The following FER variants were observed in gnomAD, a reference collection of about 807,000 sequenced individuals.
The protein encoded by FER is FER tyrosine kinase.
FER carries 63 observed loss-of-function variants against 111.0 expected under a neutral mutation model. That is an observed-to-expected ratio of 0.57 (90% CI 0.46 to 0.70). FER has a LOEUF of 0.70. Ranked by LOEUF, FER falls within the 30% of genes least tolerant of loss-of-function variation. The pLI, the probability that FER is intolerant of heterozygous loss-of-function variation, is 0.00. For synonymous variants in FER, 327 were observed against 313.9 expected, an observed-to-expected ratio of 1.04 and a Z score of -0.44; for missense variants, 914 against 954.0, an observed-to-expected ratio of 0.96 and a Z score of 0.55.
At chr5:108,943,917 A>G (rs990276857) in intron 10 of FER, among the ~76,000 whole-genome samples, 15 of 151,994 alleles carry the variant, frequency 9.9e-5, no homozygotes, top group African/African-American at 3.4e-4. Flanking sequence ...AAAACTTTGT[A>G]GAGATGGGGT....
At chr5:109,158,969 G>C (rs1426954882) in intron 17 of FER, among the ~76,000 whole-genome samples, 1 of 151,952 alleles carries the variant, frequency 6.6e-6, no homozygotes, top group Non-Finnish European at 1.5e-5. Flanking sequence ...TCATTAAAAA[G>C]AATTTTATGG....
intron 2 of FER, chr5:108,782,787 T>G (rs994774816): frequency 7.2e-5 from 11 of 152,192 alleles, no homozygotes; most frequent in African/African-American, 2.7e-4. Flanking sequence ...CTGAGTTAAA[T>G]TTTGTAACAG....
chr5:109,125,670 G>A (rs1341020375), intron 17 of FER, among the ~76,000 whole-genome samples: 1 of 152,184 alleles, frequency 6.6e-6, no homozygotes. Flanking sequence ...GGTCTTAGTA[G>A]TAGCAGTATT....
In FER at chr5:108,835,193, C is replaced by CT. The variant is rs1045894873; in HGVS notation, c.382-515_382-514insT. 1.6e-5 allele frequency among the ~76,000 whole-genome samples: 2 copies of CT among 124,376 alleles called. 1 individual carries two copies. The highest frequency in any genetic ancestry group is 6.5e-5 in the African/African-American group (2 of 30,818). The allele number at this position is 124,376 out of a possible 152,430, so 81.6% of individuals were successfully genotyped here. ...TTTCTTCGTTTGCGCCACCCCCCCC[C>CT]CCCCACTTTTTTTTTGAGTCAAGTT... On this transcript the variant is annotated intron_variant, in intron 4 of 19. Coordinates refer to ENST00000281092, the MANE Select transcript of FER (RefSeq NM_005246.4).
In FER at chr5:108,833,345, C is replaced by T. The variant is rs899179648; in HGVS notation, c.381+402C>T. ...ACGTATCCCTCATTTTCCCTACATT[C>T]GGAGTCTGTCTCTTCTGAATGACTT... is the stretch of plus-strand genomic sequence containing the variant. On this transcript the variant is annotated intron_variant, in intron 4 of 19. Coordinates refer to ENST00000281092, the MANE Select transcript of FER (RefSeq NM_005246.4). 3.9e-5 allele frequency among the ~76,000 whole-genome samples: 6 copies of T among 152,214 alleles called. No homozygotes were observed. In the South Asian group the frequency reaches 8.3e-4, roughly 21 times the overall value.
chr5:109,103,154 A>G (rs1001958540), intron 17 of FER, among the ~76,000 whole-genome samples: 14 of 152,102 alleles, frequency 9.2e-5, no homozygotes, highest in African/African-American at 3.4e-4. Flanking sequence ...TCATTTTTAT[A>G]TGCCAAAACA....
intron 13 of FER, among the ~76,000 whole-genome samples, chr5:108,986,981 G>A (rs1027275748): frequency 2.6e-5 from 4 of 151,900 alleles, no homozygotes; most frequent in African/African-American, 9.7e-5. Context: ...GTTCTGTCAA[G>A]AATGATGGTG....
At chr5:108,956,863 G>A (rs1387651507) in intron 12 of FER, among the ~76,000 whole-genome samples, 13 of 151,510 alleles carry the variant, frequency 8.6e-5, no homozygotes. Context: ...TTGACTAGAA[G>A]GGGTCAATAA....
intron 12 of FER, among the ~76,000 whole-genome samples, chr5:108,956,774 C>CA (rs1168092593): frequency 2.6e-5 from 4 of 151,500 alleles, no homozygotes; most frequent in Admixed American, 1.3e-4. Flanking sequence ...ATGATATAGA[C>CA]AGTTTTAATT....
At chr5:108,807,322 C>T (rs577409256) in intron 3 of FER, among the ~76,000 whole-genome samples, 25 of 152,280 alleles carry the variant, frequency 1.6e-4, no homozygotes, top group African/African-American at 5.5e-4. Flanking sequence ...AGTGTGAAAA[C>T]AGACTAATAT....
intron 17 of FER, among the ~76,000 whole-genome samples, chr5:109,140,639 G>A (rs1753426690): frequency 6.6e-6 from 1 of 152,188 alleles, no homozygotes; most frequent in Admixed American, 6.5e-5. Context: ...CTACCCTTAT[G>A]AAAGTCTTGG....
chr5:109,129,925 T>C (rs987368443), intron 17 of FER, among the ~76,000 whole-genome samples: 2 of 152,080 alleles, frequency 1.3e-5, no homozygotes, highest in Non-Finnish European at 2.9e-5. Flanking sequence ...TATGAGATCC[T>C]ACTTTTACTA....
intron 10 of FER, among the ~76,000 whole-genome samples, chr5:108,933,640 A>G (rs7723612): frequency 0.058 from 8,878 of 152,132 alleles, 583 homozygotes; most frequent in African/African-American, 0.16. Flanking sequence ...AAGAAAGTCA[A>G]TGGTAACTTG....
intron 3 of FER, among the ~76,000 whole-genome samples, chr5:108,802,806 G>A (rs1202371255): frequency 6.6e-6 from 1 of 152,058 alleles, no homozygotes; most frequent in East Asian, 1.9e-4. Flanking sequence ...CTACAAAACA[G>A]AAACAGGTGT....
Position 109,186,250 on chromosome 5 carries a change from G to A in FER, c.2254G>A (p.Glu752Lys). 6.2e-7 allele frequency: 1 copy of A among 1,614,118 alleles called. No homozygotes were observed. ...DVWSFGILLW[E>K]TFSLGVCPYP... The stretch of plus-strand genomic sequence containing the variant: ...GTGGAGCTTTGGCATCCTTCTCTGG[G>A]AGACCTTCAGCTTAGGGGTTTGTCC... The change falls in exon 19 of 20, where the codon GAG becomes AAG. Residue 752 changes from glutamate (E) to lysine (K), a missense_variant. Glu to Lys is a moderately conservative substitution (Grantham distance 56). Around this residue, in one of 3 missense-constraint regions of FER, gnomAD observed 134 missense variants for 149.4 expected, o/e 0.90. Coordinates refer to ENST00000281092, the MANE Select transcript of FER (RefSeq NM_005246.4).
chr5:108,786,774 A>G (rs1184729737), intron 2 of FER, among the ~76,000 whole-genome samples: 5 of 152,194 alleles, frequency 3.3e-5, no homozygotes, highest in Admixed American at 6.5e-5. Flanking sequence ...TGCTGGGATT[A>G]CAGGCATGAG....
intron 2 of FER, among the ~76,000 whole-genome samples, chr5:108,773,712 G>A (rs1051042644): frequency 1.3e-5 from 2 of 152,100 alleles, no homozygotes; most frequent in African/African-American, 4.8e-5. Flanking sequence ...TATATACCCA[G>A]TAATGGGATT....
chr5:108,748,115 A>G (rs551551950), intron 1 of FER, 115 bp downstream of exon 1: 8 of 152,374 alleles, frequency 5.3e-5, no homozygotes, highest in Non-Finnish European at 1.0e-4. Flanking sequence ...CACTGGGAGT[A>G]CAGGATTGAA....
At chr5:108,963,579 A>G (rs1009922134) in intron 13 of FER, among the ~76,000 whole-genome samples, 3 of 152,174 alleles carry the variant, frequency 2.0e-5, no homozygotes, top group Non-Finnish European at 4.4e-5. Flanking sequence ...AAAACAAAAC[A>G]AAAAACAAAA....
Sources: allele counts gnomAD v4.1 joint callset (sites outside exome capture counted in the v4.1 genomes callset), GRCh38; gene constraint gnomAD v4.1.1; regional missense constraint gnomAD v4.1.1; transcripts MANE v1.5; gene names NCBI Gene and HGNC (gene_info 2026-07-23, HGNC 2026-07-21).